Variants in PCDHA4 observed in about 807,000 individuals in gnomAD.
PCDHA4 encodes the protein protocadherin alpha 4, also known as protocadherin alpha-4.
In PCDHA4, 49 loss-of-function variants were observed where a neutral mutation model predicts 61.4. That is an observed-to-expected ratio of 0.80 (90% confidence interval 0.63 to 1.01). The LOEUF (loss-of-function observed/expected upper bound fraction) is 1.01, where lower values mean the gene tolerates loss of function less well. PCDHA4 is among the 50% of genes least tolerant of loss of function. The pLI is 0.00. For synonymous variants in PCDHA4, 590 were observed against 550.3 expected (o/e 1.07, Z -1.01); for missense variants, 1,254 against 1,235.8 (o/e 1.01, Z -0.22).
chr5:140,985,590 T>C (rs1049609959), intron 3 of PCDHA4, among the ~76,000 whole-genome samples: 5 of 152,166 alleles, frequency 3.3e-5, no homozygotes, highest in African/African-American at 1.2e-4. Flanking sequence ...TCCTTATACT[T>C]GCTTCAGAGC....
Position 140,856,070 on chromosome 5 carries a change from C to T in PCDHA4, c.2385+46498C>T. 3.1e-6 allele frequency: 5 copies of T among 1,591,758 alleles called. 1 individual carries two copies. Among genetic ancestry groups the T allele is most frequent in the Non-Finnish European group, 4.3e-6 (5 of 1,163,604 alleles). On this transcript the variant is annotated intron_variant, in intron 1 of 3. Coordinates refer to ENST00000530339, the MANE Select transcript of PCDHA4 (RefSeq NM_018907.4). ...TAAGATGGTTTCCAGATGTAGCTGC[C>T]TGGGGGTCCAGTGTCTGCTGCTCTC...
intron 3 of PCDHA4, among the ~76,000 whole-genome samples, chr5:140,992,085 TAGAGAA>T (rs1253503619): frequency 1.4e-5 from 2 of 146,836 alleles, no homozygotes; most frequent in Non-Finnish European, 3.0e-5. Flanking sequence ...TGAGCTAGAG[TAGAGAA>T]AGAGAATTAA....
At chr5:140,869,718 T>C in intron 1 of PCDHA4, 1 of 1,613,408 alleles carries the variant, frequency 6.2e-7, no homozygotes, top group Non-Finnish European at 8.5e-7. Context: ...GAGAGAAAAC[T>C]CCGGAACTTA....
intron 1 of PCDHA4, among the ~76,000 whole-genome samples, chr5:140,932,902 T>C (rs1276238248): frequency 6.6e-6 from 1 of 152,002 alleles, no homozygotes; most frequent in Non-Finnish European, 1.5e-5. Context: ...AGGGAAACAA[T>C]AATATTTCAA....
chr5:140,925,061 C>T (rs968376229), intron 1 of PCDHA4, among the ~76,000 whole-genome samples: 2 of 147,510 alleles, frequency 1.4e-5, no homozygotes, highest in Non-Finnish European at 3.0e-5. Context: ...GACTGGGCAA[C>T]AAAGCAACAC....
intron 1 of PCDHA4, among the ~76,000 whole-genome samples, chr5:140,833,207 A>G (rs1554133788): frequency 6.6e-6 from 1 of 152,228 alleles, no homozygotes; most frequent in African/African-American, 2.4e-5. Context: ...AGAATGAAAT[A>G]GGAATGGACA....
intron 1 of PCDHA4, chr5:140,830,430 C>T (rs1483777919): frequency 3.7e-6 from 6 of 1,613,592 alleles, no homozygotes; most frequent in Non-Finnish European, 5.1e-6. Flanking sequence ...TCACCTTGTC[C>T]TATTATGATG....
chr5:140,875,394 G>T, intron 1 of PCDHA4: 1 of 1,476,976 alleles, frequency 6.8e-7, no homozygotes, highest in South Asian at 1.4e-5. Context: ...TACAGAAAAG[G>T]GTGACTGCTC....
At chr5:140,829,466 G>C (rs2150168443) in intron 1 of PCDHA4, 1 of 1,613,882 alleles carries the variant, frequency 6.2e-7, no homozygotes, top group East Asian at 2.2e-5. Context: ...CGCGCAGCCC[G>C]AGTACACAGT....
chr5:140,836,498 C>T lies in PCDHA4; in HGVS notation c.2385+26926C>T. Reference sequence around the variant, plus strand: ...ACGTGTACCTGATCATCGCCATCTGCGCGGTGTCCAGTCTGTTGGTGCTTA... The same window carrying T: ...ACGTGTACCTGATCATCGCCATCTGTGCGGTGTCCAGTCTGTTGGTGCTTA... On this transcript the variant is annotated intron_variant, in intron 1 of 3. Transcript: ENST00000530339. The T allele has an allele frequency of 1.9e-6, 3 of 1,613,896 alleles. No homozygotes were observed. In the South Asian group the frequency reaches 3.3e-5, roughly 18 times the overall value.
intron 1 of PCDHA4, chr5:140,877,750 T>C (rs782654875): frequency 6.2e-7 from 1 of 1,614,146 alleles, no homozygotes; most frequent in Non-Finnish European, 8.5e-7. Flanking sequence ...GAGGGTGTGC[T>C]CTGCAGAGAG....
chr5:140,883,640 C>T (rs143631680), intron 1 of PCDHA4: 5 of 1,613,958 alleles, frequency 3.1e-6, no homozygotes, highest in Non-Finnish European at 4.2e-6. Context: ...GTTCGCGCAG[C>T]CCGAGTACAC....
At chr5:140,843,305 A>C (rs2150356964) in intron 1 of PCDHA4, 9 of 1,595,822 alleles carry the variant, frequency 5.6e-6, no homozygotes, top group Non-Finnish European at 7.7e-6. Flanking sequence ...GCTGACCGCC[A>C]CGGCCACGGT....
intron 1 of PCDHA4, chr5:140,966,810 G>C (rs1290992432): frequency 3.2e-6 from 5 of 1,548,566 alleles, no homozygotes; most frequent in Non-Finnish European, 4.3e-6. Context: ...GAGCATCCAC[G>C]GCTCCGGCGG....
chr5:140,830,074 G>A (rs2150180698), intron 1 of PCDHA4: 47 of 1,613,584 alleles, frequency 2.9e-5, no homozygotes, highest in East Asian at 4.5e-5. Context: ...CGCTGACAGC[G>A]ACGGCCACGG....
intron 1 of PCDHA4, chr5:140,877,288 T>C (rs782747810): frequency 1.9e-6 from 3 of 1,613,908 alleles, no homozygotes; most frequent in Non-Finnish European, 2.5e-6. Context: ...CTATAACGCT[T>C]GGCTGTCCTA....
intron 1 of PCDHA4, among the ~76,000 whole-genome samples, chr5:140,923,034 C>T (rs1252133915): frequency 6.6e-6 from 1 of 152,174 alleles, no homozygotes; most frequent in Non-Finnish European, 1.5e-5. Context: ...TCTATTACTA[C>T]ATGTATAGTA....
rs1764367265 is a variant in PCDHA4, at chr5:140,809,110, C to G, written c.1923C>G (p.Asp641Glu). Residue 641 changes from aspartate (D) to glutamate (E), a missense_variant, in exon 1 of 4, where the codon GAC becomes GAG. Transcript: ENST00000530339. The stretch of plus-strand genomic sequence containing the variant: ...CAACGCGTGCCCTGGACGAAACGGA[C>G]GCTCCGCGCCACCGCCTACTGGTAC... ...ISTTRALDET[D>E]APRHRLLVLV... The G allele has an allele frequency of 1.2e-6, 2 of 1,613,872 alleles. No homozygotes were observed. Among genetic ancestry groups the G allele is most frequent in the Admixed American group, 1.7e-5 (1 of 60,012 alleles).
At chr5:140,822,266 A>G in intron 1 of PCDHA4, 3 of 1,614,270 alleles carry the variant, frequency 1.9e-6, no homozygotes, top group Non-Finnish European at 2.5e-6. Context: ...ATTGGAGCAA[A>G]TGCACAATTG....
Sources: allele counts gnomAD v4.1 joint callset (sites outside exome capture counted in the v4.1 genomes callset), GRCh38; gene constraint gnomAD v4.1.1; transcripts MANE v1.5; gene names NCBI Gene and HGNC (gene_info 2026-07-23, HGNC 2026-07-21).